The following EXTL3 variants were observed in gnomAD, a reference collection of about 807,000 sequenced individuals.
EXTL3 encodes exostosin-like 3.
EXTL3 carries 27 observed loss-of-function variants against 69.3 expected under a neutral mutation model. The observed-to-expected ratio is 0.39, with a 90% CI of 0.29 to 0.54. The LOEUF (loss-of-function observed/expected upper bound fraction) is 0.54, where lower values mean the gene tolerates loss of function less well. EXTL3 is among the 20% of genes least tolerant of loss of function. EXTL3 has a pLI of 0.69. For synonymous variants in EXTL3, 511 were observed against 499.4 expected, an observed-to-expected ratio of 1.02 and a Z score of -0.31; for missense variants, 1,003 against 1,231.8, an observed-to-expected ratio of 0.81 and a Z score of 2.78.
chr8:28,658,951 T>C (rs1366022764), intron 1 of EXTL3, among the ~76,000 whole-genome samples: 2 of 152,250 alleles, frequency 1.3e-5, no homozygotes, highest in African/African-American at 4.8e-5. Context: ...TCATCAGTCT[T>C]CTACTCAAGG....
At chr8:28,737,704 G>A in intron 5 of EXTL3, 41 bp downstream of exon 5, 1 of 1,609,418 alleles carries the variant, frequency 6.2e-7, no homozygotes, top group Non-Finnish European at 8.5e-7. Flanking sequence ...CTTGGTGAGA[G>A]TTTCACCTTT....
At chr8:28,719,108 C>A (rs1801234908) in intron 3 of EXTL3, among the ~76,000 whole-genome samples, 2 of 152,142 alleles carry the variant, frequency 1.3e-5, no homozygotes. Context: ...TCTGATGGGC[C>A]ACACGTTGCT....
intron 1 of EXTL3, among the ~76,000 whole-genome samples, chr8:28,663,190 G>T (rs900444434): frequency 6.6e-6 from 1 of 152,238 alleles, no homozygotes; most frequent in Non-Finnish European, 1.5e-5. Context: ...GTGGTTATAT[G>T]TTGGTTCAGC....
intron 1 of EXTL3, among the ~76,000 whole-genome samples, chr8:28,670,524 G>A (rs887708314): frequency 1.3e-5 from 2 of 152,174 alleles, no homozygotes; most frequent in African/African-American, 2.4e-5. Flanking sequence ...CTCAAGAAGA[G>A]CTGATGTGTC....
At chr8:28,671,018 T>G (rs1196892898) in intron 1 of EXTL3, among the ~76,000 whole-genome samples, 1 of 151,934 alleles carries the variant, frequency 6.6e-6, no homozygotes, top group Non-Finnish European at 1.5e-5. Flanking sequence ...TCTTGCTCTG[T>G]CACCTAGGCT....
At chr8:28,731,129 A>T in intron 3 of EXTL3, 94 bp from the exon 4 acceptor site, 2 of 1,524,268 alleles carry the variant, frequency 1.3e-6, no homozygotes, top group South Asian at 2.2e-5. Flanking sequence ...TATTCAGTAA[A>T]TCCAGCCATG....
At chr8:28,671,302 G>GTTT (rs1198284012) in intron 1 of EXTL3, among the ~76,000 whole-genome samples, 11 of 100,950 alleles carry the variant, frequency 1.1e-4, no homozygotes, top group African/African-American at 4.4e-4. Context: ...TTTATGTTTT[G>GTTT]TTTTTTGTTT....
intron 1 of EXTL3, among the ~76,000 whole-genome samples, chr8:28,627,994 C>G (rs1445428731): frequency 6.6e-6 from 1 of 151,994 alleles, no homozygotes; most frequent in African/African-American, 2.4e-5. Flanking sequence ...TGAAAAAGTT[C>G]TAGAGAAGGA....
chr8:28,711,457 AT>A (rs907809654), intron 1 of EXTL3, among the ~76,000 whole-genome samples: 32 of 150,304 alleles, frequency 2.1e-4, no homozygotes, highest in East Asian at 9.7e-4. Context: ...CCATGTTCCC[AT>A]TTTTTTTTCT....
At chr8:28,673,915 G>T (rs1290673120) in intron 1 of EXTL3, among the ~76,000 whole-genome samples, 3 of 152,162 alleles carry the variant, frequency 2.0e-5, no homozygotes, top group African/African-American at 7.2e-5. Flanking sequence ...AATCTGATTA[G>T]ATTTAAAGGC....
At chr8:28,722,284 G>C (rs1017935017) in intron 3 of EXTL3, among the ~76,000 whole-genome samples, 5 of 152,222 alleles carry the variant, frequency 3.3e-5, no homozygotes, top group Non-Finnish European at 7.3e-5. Context: ...GGATGCCCTT[G>C]GAGGGTGTTG....
In EXTL3 at chr8:28,686,461, T is replaced by C. The variant is rs116343918; in HGVS notation, c.-52-26996T>C. Among the ~76,000 whole-genome samples, 709 of 152,138 alleles carry C rather than the reference T, an allele frequency of 4.7e-3. 3 individuals are homozygous for C. The highest frequency in any genetic ancestry group is 0.016 in the African/African-American group (669 of 41,532). On this transcript the variant is annotated intron_variant, in intron 1 of 6. Coordinates refer to the EXTL3 transcript ENST00000523149. The stretch of plus-strand genomic sequence containing the variant: ...ACAGAACTTGGTGTGGGGAAGGGAA[T>C]TAGTCAAAGGGCTCTTCATGTGTGG...
chr8:28,673,901 CTCTAA>C (rs1807339148), intron 1 of EXTL3, among the ~76,000 whole-genome samples: 1 of 152,126 alleles, frequency 6.6e-6, no homozygotes, highest in African/African-American at 2.4e-5. Context: ...AGAATTGGCT[CTCTAA>C]TCTGATTAGA....
intron 1 of EXTL3, among the ~76,000 whole-genome samples, chr8:28,685,445 T>G (rs1312862876): frequency 2.0e-5 from 3 of 151,496 alleles, no homozygotes; most frequent in African/African-American, 7.3e-5. Context: ...CTTCTGCCCT[T>G]GCTTTTTTTG....
At chr8:28,741,820 G>A (rs933867903) in intron 5 of EXTL3, 2 of 152,068 alleles carry the variant, frequency 1.3e-5, no homozygotes, top group Non-Finnish European at 2.9e-5. Context: ...CAACTCTTAA[G>A]TACTTTGCTA....
intron 1 of EXTL3, chr8:28,710,207 T>G: frequency 1.5e-5 from 4 of 275,654 alleles, no homozygotes; most frequent in South Asian, 6.7e-5. Flanking sequence ...GATGTCTGTG[T>G]TGCTGACCAC....
intron 5 of EXTL3, among the ~76,000 whole-genome samples, 177 bp downstream of exon 5, chr8:28,737,840 A>AT (rs1801684732): frequency 6.6e-6 from 1 of 152,194 alleles, no homozygotes; most frequent in Non-Finnish European, 1.5e-5. Flanking sequence ...CAACTCTGGG[A>AT]TAAAAAGTCA....
At chr8:28,628,077 T>C (rs1806519003) in intron 1 of EXTL3, among the ~76,000 whole-genome samples, 1 of 152,136 alleles carries the variant, frequency 6.6e-6, no homozygotes, top group African/African-American at 2.4e-5. Flanking sequence ...ATGGTTAAGA[T>C]AAGCCAAGTG....
intron 1 of EXTL3, among the ~76,000 whole-genome samples, chr8:28,644,441 G>A (rs561495646): frequency 3.3e-5 from 5 of 152,264 alleles, no homozygotes; most frequent in Non-Finnish European, 5.9e-5. Context: ...GCTCACACCT[G>A]TAATCCCAGC....
Sources: gnomAD v4.1 joint callset for allele counts (sites outside exome capture counted in the v4.1 genomes callset) on GRCh38, gnomAD v4.1.1 for gene constraint, MANE v1.5 for transcripts, NCBI Gene and HGNC (gene_info 2026-07-23, HGNC 2026-07-21) for gene names.